Variants in RBFOX1 observed in about 807,000 individuals in gnomAD.
The protein encoded by RBFOX1 is RNA binding protein fox-1 homolog 1.
A neutral mutation model predicts 57.7 loss-of-function variants in RBFOX1; 8 were observed. That is an observed-to-expected ratio of 0.14 (90% CI 0.08 to 0.25). RBFOX1 has a LOEUF of 0.25. Among genes scored for constraint, RBFOX1 ranks in the 10% least tolerant of loss-of-function variants. The pLI is 1.00. For synonymous variants in RBFOX1, 326 were observed against 222.4 expected, an observed-to-expected ratio of 1.47 and a Z score of -4.15; for missense variants, 611 against 548.5, an observed-to-expected ratio of 1.11 and a Z score of -1.14.
At chr16:6,878,627 A>G (rs1377129121) in intron 3 of RBFOX1, among the ~76,000 whole-genome samples, 1 of 152,144 alleles carries the variant, frequency 6.6e-6, no homozygotes, top group African/African-American at 2.4e-5. Flanking sequence ...GTGTGTTGTC[A>G]AGGAAAGTCA....
At chr16:5,512,274 T>C (rs1485014605) in intron 2 of RBFOX1, among the ~76,000 whole-genome samples, 2 of 152,198 alleles carry the variant, frequency 1.3e-5, no homozygotes, top group Admixed American at 6.5e-5. Context: ...CAAAAGGCAC[T>C]GGAGGTGGCC....
intron 3 of RBFOX1, among the ~76,000 whole-genome samples, chr16:6,936,677 A>G (rs763876913): frequency 5.9e-5 from 9 of 152,144 alleles, no homozygotes; most frequent in Non-Finnish European, 8.8e-5. Context: ...ATACAAAACT[A>G]AGGCTGAGAG....
At chr16:7,577,691 G>A (rs1273310371) in intron 5 of RBFOX1, among the ~76,000 whole-genome samples, 2 of 152,196 alleles carry the variant, frequency 1.3e-5, no homozygotes, top group Non-Finnish European at 2.9e-5. Flanking sequence ...ATCACTTGAG[G>A]CCAGAGGTTC....
intron 2 of RBFOX1, among the ~76,000 whole-genome samples, chr16:6,566,196 T>C (rs2097263582): frequency 6.6e-6 from 1 of 152,222 alleles, no homozygotes; most frequent in Admixed American, 6.5e-5. Context: ...CCTCCGTTGT[T>C]TTGAAGGAGA....
chr16:5,468,902 C>G (rs1444125864), intron 2 of RBFOX1, among the ~76,000 whole-genome samples: 1 of 152,338 alleles, frequency 6.6e-6, no homozygotes, highest in African/African-American at 2.4e-5. Flanking sequence ...CACTTGGCTT[C>G]CCGCCCCGTC....
At chr16:6,778,528 A>G (rs777505436) in intron 3 of RBFOX1, among the ~76,000 whole-genome samples, 10 of 152,182 alleles carry the variant, frequency 6.6e-5, no homozygotes, top group Non-Finnish European at 1.2e-4. Context: ...GATGATTAAT[A>G]TCTGATCGCT....
At chr16:6,193,311 A>G (rs2097153625) in intron 1 of RBFOX1, among the ~76,000 whole-genome samples, 1 of 143,534 alleles carries the variant, frequency 7.0e-6, no homozygotes, top group South Asian at 2.2e-4. Flanking sequence ...GGAGTTAAGA[A>G]ATTTGACACA....
chr16:6,476,419 T>G (rs1334175955), intron 2 of RBFOX1, among the ~76,000 whole-genome samples: 1 of 152,198 alleles, frequency 6.6e-6, no homozygotes, highest in Non-Finnish European at 1.5e-5. Flanking sequence ...AATATCATAA[T>G]AGAGGGAGTC....
At chr16:6,048,783 C>A (rs2095521153) in intron 1 of RBFOX1, among the ~76,000 whole-genome samples, 1 of 152,080 alleles carries the variant, frequency 6.6e-6, no homozygotes, top group Non-Finnish European at 1.5e-5. Context: ...TCGTTCATTC[C>A]TACTGATAAT....
intron 4 of RBFOX1, among the ~76,000 whole-genome samples, chr16:7,423,260 T>G (rs1303256445): frequency 6.6e-6 from 1 of 152,166 alleles, no homozygotes; most frequent in Non-Finnish European, 1.5e-5. Flanking sequence ...TTTCAGCTGC[T>G]GTGTGGAAAA....
chr16:7,143,834 T>C (rs1177564127), intron 4 of RBFOX1, among the ~76,000 whole-genome samples: 1 of 151,844 alleles, frequency 6.6e-6, no homozygotes. Context: ...TTACAGGTAG[T>C]ACAAGATCCT....
intron 3 of RBFOX1, among the ~76,000 whole-genome samples, chr16:6,869,875 G>A (rs964170653): frequency 3.9e-5 from 6 of 152,100 alleles, no homozygotes; most frequent in Admixed American, 1.3e-4. Flanking sequence ...TGTTCAGAAC[G>A]TATATGTCTC....
At chr16:5,389,055 G>C (rs1008062158) in intron 1 of RBFOX1, among the ~76,000 whole-genome samples, 1 of 151,464 alleles carries the variant, frequency 6.6e-6, no homozygotes, top group African/African-American at 2.4e-5. Flanking sequence ...GCCTGGCGTG[G>C]TGGCAGGCCC....
At chr16:6,128,294 A>G (rs144069517) in intron 1 of RBFOX1, among the ~76,000 whole-genome samples, 3 of 152,314 alleles carry the variant, frequency 2.0e-5, no homozygotes, top group South Asian at 2.1e-4. Flanking sequence ...TTAAAATCGT[A>G]TATATCTTAC....
At chr16:5,639,438 T>C (rs2048788914) in intron 3 of RBFOX1, among the ~76,000 whole-genome samples, 2 of 152,238 alleles carry the variant, frequency 1.3e-5, no homozygotes, top group Non-Finnish European at 1.5e-5. Context: ...AACAGAAGTC[T>C]TGATATGAAT....
chr16:7,330,738 T>C (rs1313601273), intron 4 of RBFOX1, among the ~76,000 whole-genome samples: 1 of 151,792 alleles, frequency 6.6e-6, no homozygotes, highest in Non-Finnish European at 1.5e-5. Flanking sequence ...TCCTGCCTTC[T>C]GGTCCAGTGG....
intron 4 of RBFOX1, among the ~76,000 whole-genome samples, chr16:7,351,694 C>A (rs1949282293): frequency 6.6e-6 from 1 of 152,130 alleles, no homozygotes; most frequent in South Asian, 2.1e-4. Context: ...TTAGAGACAC[C>A]TGGTACTTTA....
chr16:5,724,994 T>C (rs2052086373), intron 3 of RBFOX1, among the ~76,000 whole-genome samples: 1 of 152,118 alleles, frequency 6.6e-6, no homozygotes, highest in South Asian at 2.1e-4. Flanking sequence ...ACCTTGCCCA[T>C]TGAGAAGGTT....
intron 4 of RBFOX1, among the ~76,000 whole-genome samples, chr16:7,095,297 C>G (rs760536419): frequency 3.3e-5 from 5 of 152,166 alleles, no homozygotes; most frequent in South Asian, 2.1e-4. Context: ...ACCACTGTGC[C>G]TGGTTCATTT....
Sources: gnomAD v4.1 joint callset for allele counts (sites outside exome capture counted in the v4.1 genomes callset) on GRCh38, gnomAD v4.1.1 for gene constraint, MANE v1.5 for transcripts, NCBI Gene and HGNC (gene_info 2026-07-23, HGNC 2026-07-21) for gene names.